SSBP2: variants seen among roughly 807,000 people sequenced by gnomAD.
SSBP2 encodes the protein single-stranded DNA-binding protein 2.
In SSBP2, 17 loss-of-function variants were observed where a neutral mutation model predicts 61.8. The ratio of observed to expected loss-of-function variants is 0.28; its 90% CI spans 0.19 to 0.41. The LOEUF (loss-of-function observed/expected upper bound fraction) is 0.41. Among genes scored for constraint, SSBP2 ranks in the 10% least tolerant of loss-of-function variants. The pLI is 1.00. For synonymous variants in SSBP2, 139 were observed against 141.3 expected, an observed-to-expected ratio of 0.98 and a Z score of 0.12; for missense variants, 310 against 458.7, an observed-to-expected ratio of 0.68 and a Z score of 2.96.
intron 1 of SSBP2, among the ~76,000 whole-genome samples, chr5:81,736,011 G>A (rs1394435562): frequency 2.0e-5 from 3 of 151,950 alleles, no homozygotes; most frequent in Non-Finnish European, 4.4e-5. Context: ...GGATCAAGTC[G>A]CTGCCCAATC....
intron 4 of SSBP2, among the ~76,000 whole-genome samples, chr5:81,610,575 G>A (rs1384850506): frequency 6.6e-6 from 1 of 152,098 alleles, no homozygotes; most frequent in Non-Finnish European, 1.5e-5. Flanking sequence ...TGTATTATAG[G>A]AGTAGTCATT....
At chr5:81,579,390 C>T (rs1774475402) in intron 4 of SSBP2, among the ~76,000 whole-genome samples, 1 of 151,544 alleles carries the variant, frequency 6.6e-6, no homozygotes, top group South Asian at 2.1e-4. Flanking sequence ...GGGGTGTCAT[C>T]CCAGTAAAGA....
intron 4 of SSBP2, among the ~76,000 whole-genome samples, chr5:81,532,261 A>C (rs1770475267): frequency 6.6e-6 from 1 of 152,066 alleles, no homozygotes; most frequent in African/African-American, 2.4e-5. Flanking sequence ...CTATTTTATA[A>C]AGCAGTATTA....
intron 1 of SSBP2, among the ~76,000 whole-genome samples, chr5:81,661,116 T>C (rs935112163): frequency 5.3e-5 from 8 of 152,150 alleles, no homozygotes; most frequent in African/African-American, 1.7e-4. Flanking sequence ...ATGGCGCATG[T>C]ATACTACGTA....
At chr5:81,594,357 C>G (rs1743478175) in intron 4 of SSBP2, among the ~76,000 whole-genome samples, 1 of 152,106 alleles carries the variant, frequency 6.6e-6, no homozygotes, top group Admixed American at 6.5e-5. Flanking sequence ...CCTTAGTGAC[C>G]TACAAAGAGA....
chr5:81,666,794 A>G (rs1204217610), intron 1 of SSBP2, among the ~76,000 whole-genome samples: 1 of 152,190 alleles, frequency 6.6e-6, no homozygotes, highest in African/African-American at 2.4e-5. Context: ...GAATCTTGAT[A>G]TACACAGATT....
At chr5:81,424,892 A>G (rs1487549990) in intron 16 of SSBP2, among the ~76,000 whole-genome samples, 1 of 152,214 alleles carries the variant, frequency 6.6e-6, no homozygotes, top group Non-Finnish European at 1.5e-5. Context: ...TGCTGCATCA[A>G]TATGTGATGA....
intron 4 of SSBP2, among the ~76,000 whole-genome samples, chr5:81,611,598 CA>C (rs1165633603): frequency 1.1e-4 from 17 of 152,128 alleles, no homozygotes; most frequent in African/African-American, 3.9e-4. Context: ...ATACTATTGG[CA>C]GCAATCACAG....
intron 4 of SSBP2, among the ~76,000 whole-genome samples, chr5:81,581,788 A>G (rs930901526): frequency 1.3e-5 from 2 of 152,220 alleles, no homozygotes; most frequent in Non-Finnish European, 2.9e-5. Context: ...GGATATGCAC[A>G]GAAAAATTAT....
chr5:81,576,952 A>G (rs6882433), intron 4 of SSBP2, among the ~76,000 whole-genome samples: 151,528 of 152,088 alleles, frequency 1, 75,499 homozygotes, highest in Middle Eastern at 1. Context: ...GAGAATCTAC[A>G]TCATTACAAA....
At chr5:81,508,837 A>G (rs1215623457) in intron 5 of SSBP2, among the ~76,000 whole-genome samples, 2 of 152,204 alleles carry the variant, frequency 1.3e-5, no homozygotes, top group Non-Finnish European at 2.9e-5. Context: ...AAGTAAGTAG[A>G]GCTCAGAAAT....
chr5:81,626,641 T>G (rs901505359), intron 3 of SSBP2, among the ~76,000 whole-genome samples: 2 of 152,198 alleles, frequency 1.3e-5, no homozygotes, highest in African/African-American at 4.8e-5. Flanking sequence ...AGCCTACCTT[T>G]GACCCCATGC....
intron 10 of SSBP2, among the ~76,000 whole-genome samples, chr5:81,450,945 C>T (rs1763727314): frequency 6.6e-6 from 1 of 152,200 alleles, no homozygotes; most frequent in African/African-American, 2.4e-5. Context: ...TGCTCTCCAA[C>T]TTCTACCTCA....
chr5:81,481,949 A>C (rs1766022431), intron 6 of SSBP2, among the ~76,000 whole-genome samples: 3 of 149,514 alleles, frequency 2.0e-5, no homozygotes, highest in African/African-American at 7.4e-5. Flanking sequence ...TTAGTATAAA[A>C]TTTTTTTTTT....
intron 8 of SSBP2, among the ~76,000 whole-genome samples, chr5:81,472,515 A>G (rs1765315325): frequency 6.6e-6 from 1 of 152,166 alleles, no homozygotes; most frequent in Non-Finnish European, 1.5e-5. Flanking sequence ...TAAAGAATAA[A>G]TTGTCAATGA....
At chr5:81,567,185 G>A (rs1773484107) in intron 4 of SSBP2, among the ~76,000 whole-genome samples, 1 of 152,194 alleles carries the variant, frequency 6.6e-6, no homozygotes, top group African/African-American at 2.4e-5. Flanking sequence ...AGGTCTTCAT[G>A]GCAGCCCCTT....
intron 1 of SSBP2, among the ~76,000 whole-genome samples, chr5:81,666,586 A>C (rs1213916536): frequency 2.0e-5 from 3 of 152,196 alleles, no homozygotes; most frequent in African/African-American, 4.8e-5. Context: ...AAGGCATAAA[A>C]ATGTAAATTT....
intron 1 of SSBP2, among the ~76,000 whole-genome samples, chr5:81,720,098 T>C (rs1272361071): frequency 1.3e-5 from 2 of 152,102 alleles, no homozygotes; most frequent in Non-Finnish European, 2.9e-5. Context: ...CATCATAAAA[T>C]ACAGAAAATA....
chr5:81,444,958 A>G (rs1389936733), intron 12 of SSBP2, among the ~76,000 whole-genome samples: 1 of 150,690 alleles, frequency 6.6e-6, no homozygotes, highest in Non-Finnish European at 1.5e-5. Context: ...CCCCGTCTCT[A>G]CTAAAAATAC....
Sources: allele counts gnomAD v4.1 joint callset (sites outside exome capture counted in the v4.1 genomes callset), GRCh38; gene constraint gnomAD v4.1.1; transcripts MANE v1.5; gene names NCBI Gene and HGNC (gene_info 2026-07-23, HGNC 2026-07-21).